Variants in TTC21B observed in about 807,000 individuals in gnomAD.
TTC21B encodes tetratricopeptide repeat domain 21B.
Under a neutral mutation model 175.1 loss-of-function variants are expected in TTC21B, and 127 were observed. That is an observed-to-expected ratio of 0.73 (90% CI 0.63 to 0.84). The LOEUF (loss-of-function observed/expected upper bound fraction) is 0.84. Among genes scored for constraint, TTC21B ranks in the 40% least tolerant of loss-of-function variants. The probability of loss-of-function intolerance (pLI) is 0.00; values close to 1 mark genes in which losing one functional copy is unlikely to be tolerated. For missense variants in TTC21B, 1,561 were observed against 1,558.3 expected (o/e 1.00, Z -0.03); for synonymous variants, 524 against 524.5 (o/e 1.00, Z 0.01).
At chr2:165,937,617 A>C (rs1687199008) in intron 6 of TTC21B, among the ~76,000 whole-genome samples, 1 of 152,212 alleles carries the variant, frequency 6.6e-6, no homozygotes, top group African/African-American at 2.4e-5. Context: ...CTGTCTATTA[A>C]AAAACAGTTT....
intron 19 of TTC21B, among the ~76,000 whole-genome samples, chr2:165,902,734 C>CTATACACATA (rs1399709364): frequency 1.3e-5 from 2 of 152,124 alleles, no homozygotes; most frequent in African/African-American, 4.8e-5. Context: ...TTTTGCATAG[C>CTATACACATA]TATACACATA....
intron 6 of TTC21B, among the ~76,000 whole-genome samples, chr2:165,935,365 G>C (rs529426605): frequency 8.5e-5 from 13 of 152,216 alleles, no homozygotes; most frequent in African/African-American, 3.1e-4. Context: ...AAAGAGGTAT[G>C]TGTGTATGCA....
At chr2:165,919,807 A>T (rs898854050) in intron 12 of TTC21B, among the ~76,000 whole-genome samples, 3 of 152,230 alleles carry the variant, frequency 2.0e-5, no homozygotes, top group African/African-American at 7.2e-5. Context: ...TTGAATAGCT[A>T]GAATTTTGTT....
intron 11 of TTC21B, among the ~76,000 whole-genome samples, chr2:165,927,270 T>TTA (rs1171162629): frequency 0.011 from 506 of 48,158 alleles, 7 homozygotes; most frequent in South Asian, 0.025. Context: ...ATCCTAGTAG[T>TTA]TATATATATA....
At chr2:165,891,501 G>C (rs1217282612) in intron 22 of TTC21B, among the ~76,000 whole-genome samples, 3 of 152,014 alleles carry the variant, frequency 2.0e-5, no homozygotes, top group Admixed American at 6.6e-5. Flanking sequence ...CATACCATAT[G>C]CTAGCTTACC....
At chr2:165,919,534 T>A in intron 12 of TTC21B, 101 bp from the exon 13 acceptor site, 4 of 1,340,638 alleles carry the variant, frequency 3.0e-6, no homozygotes, top group Non-Finnish European at 4.2e-6. Flanking sequence ...ATAGCCCTAG[T>A]GTTTGTAAAC....
Position 165,949,382 on chromosome 2 carries a change from T to C in TTC21B, c.262+12A>G, listed in dbSNP as rs368679198. 2.1e-5 allele frequency: 33 copies of C among 1,583,942 alleles called. No homozygotes were observed. Among genetic ancestry groups the C allele is most frequent in the Non-Finnish European group, 2.9e-5 (33 of 1,152,736 alleles). ...GAAAAAATGTCCTAAGCATTGCATT[T>C]AAATATCATACCTGGATTAGGACTC... On this transcript the variant is annotated intron_variant, in intron 3 of 28. Transcript: ENST00000243344.
At chr2:165,937,259 G>C (rs2105354781) in intron 6 of TTC21B, among the ~76,000 whole-genome samples, 1 of 152,190 alleles carries the variant, frequency 6.6e-6, no homozygotes, top group African/African-American at 2.4e-5. Context: ...GCAGTAAAAA[G>C]AGCAGTGGTT....
chr2:165,942,119 A>G (rs971123351), intron 5 of TTC21B, among the ~76,000 whole-genome samples: 1 of 152,160 alleles, frequency 6.6e-6, no homozygotes, highest in African/African-American at 2.4e-5. Context: ...ATTAGGTAAA[A>G]CTTGAGGGTA....
At chr2:165,902,528 T>G (rs1226297880) in intron 19 of TTC21B, among the ~76,000 whole-genome samples, 1 of 152,138 alleles carries the variant, frequency 6.6e-6, no homozygotes, top group East Asian at 1.9e-4. Flanking sequence ...CTTTTTTTTT[T>G]CTCAAGCCAG....
At position 165,890,410 on chromosome 2, in the gene TTC21B, G is replaced by T. The variant is rs988655322; in HGVS notation, c.3263+69C>A. 2.1e-6 allele frequency: 3 copies of T among 1,462,500 alleles called. No individual in the cohort carries two copies. The Admixed American group carries it at 5.3e-5, about 26-fold the overall frequency. The allele number at this position is 1,462,500 out of a possible 1,614,324, so 90.6% of individuals were successfully genotyped here. On this transcript the variant is annotated intron_variant, in intron 24 of 28. Transcript: ENST00000243344. Reference sequence around the variant, plus strand: ...TTGCTATCCTAAATTTAGTTCTTTTGTATAGTATCCCTGTTTATTATCTCC... The same window carrying T: ...TTGCTATCCTAAATTTAGTTCTTTTTTATAGTATCCCTGTTTATTATCTCC...
Position 165,899,821 on chromosome 2 carries a change from C to A in TTC21B, c.2817G>T (p.Arg939=), listed in dbSNP as rs1189984472. 6.2e-7 allele frequency: 1 copy of A among 1,614,014 alleles called. No individual in the cohort carries two copies. The highest frequency in any genetic ancestry group is 8.5e-7 in the Non-Finnish European group (1 of 1,179,964). The stretch of plus-strand genomic sequence containing the variant: ...CACTCTGAAGCAGTAGAGCACACTG[C>A]CGCAGGCAGGAATCAGGGTCATCTT... ...LAQDDPDSCL[R]QCALLLQSDQ... The change falls in exon 21 of 29, where the codon CGG becomes CGT. Residue 939 remains arginine, a synonymous_variant. Coordinates refer to ENST00000243344, the MANE Select transcript of TTC21B (RefSeq NM_024753.5).
chr2:165,930,318 T>C lies in TTC21B; in HGVS notation c.941A>G (p.Glu314Gly), dbSNP rs765660728. The C allele has an allele frequency of 1.2e-6, 2 of 1,612,810 alleles. No individual in the cohort carries two copies. Among genetic ancestry groups the C allele is most frequent in the Non-Finnish European group, 1.7e-6 (2 of 1,179,196 alleles). Residue 314 changes from glutamate to glycine, a missense_variant, in exon 9 of 29, where the codon GAG (glutamate) becomes GGG (glycine). Physicochemically the swap from Glu to Gly is moderately conservative, Grantham distance 98 (BLOSUM62 -2). Transcript: ENST00000243344. ...CTGAGGGTTTAAACTAAAAGCTCTCTCAAGTAACGTTTGAATTTTTTGAAG... is the reference window on the plus strand; with the variant it reads ...CTGAGGGTTTAAACTAAAAGCTCTCCCAAGTAACGTTTGAATTTTTTGAAG... ...LILQKIQTLL[E>G]RAFSLNPQQS...
At position 165,945,659 on chromosome 2, in the gene TTC21B, T is replaced by C. The variant is rs953884878; in HGVS notation, c.294A>G (p.Arg98=). The C allele has an allele frequency of 6.2e-7, 1 of 1,613,478 alleles. No individual in the cohort carries two copies. The highest frequency in any genetic ancestry group is 1.3e-5 in the African/African-American group (1 of 74,918). The part of the protein sequence containing the change: ...DREAILESDA[R]VKEQRKGAGE... ...CAGCTCCTTTACGTTGTTCCTTCAC[T>C]CTGGCATCTGATTCCAGAATAGCTT... The change falls in exon 4 of 29, where the codon AGA becomes AGG. Residue 98 remains arginine (R), a synonymous_variant. Transcript: ENST00000243344.
intron 25 of TTC21B, among the ~76,000 whole-genome samples, chr2:165,886,458 T>C (rs539788603): frequency 2.0e-5 from 3 of 152,292 alleles, no homozygotes; most frequent in East Asian, 3.9e-4. Flanking sequence ...GGCTGCTTAA[T>C]GAATATTCAT....
intron 22 of TTC21B, among the ~76,000 whole-genome samples, chr2:165,891,574 AATTCATTCATTC>A (rs3032516): frequency 0.14 from 20,700 of 149,324 alleles, 1,775 homozygotes; most frequent in East Asian, 0.32. Flanking sequence ...TTCTAAAAAA[AATTCATTCATTC>A]ATTCATTCAT....
At chr2:165,886,703 T>G (rs753287237) in intron 25 of TTC21B, among the ~76,000 whole-genome samples, 23 of 152,158 alleles carry the variant, frequency 1.5e-4, no homozygotes, top group Non-Finnish European at 2.2e-4. Context: ...ATTCACTGCT[T>G]TTGGCTTTTT....
chr2:165,890,951 TAGG>T lies in TTC21B; in HGVS notation c.2985_2987del (p.Leu996del), dbSNP rs1559042118. ...CATCCTCGAGTTTTCCACATCTTCT[TAGG>T]AGATCAATCAAACGAGATAATGTCA... On this transcript the variant is annotated inframe_deletion, in exon 23 of 29. Transcript: ENST00000243344. The T allele has an allele frequency of 1.2e-6, 2 of 1,613,110 alleles. No individual in the cohort carries two copies. The highest frequency in any genetic ancestry group is 1.7e-6 in the Non-Finnish European group (2 of 1,179,260).
In TTC21B at chr2:165,929,055, T is replaced by C. The variant is rs778360217; in HGVS notation, c.1386+80A>G. ...ATTTTAAGATGCCGATATAGTCTAATGCATCAAAGAAAACTTTTAAGTTCT... is the reference window on the plus strand; with the variant it reads ...ATTTTAAGATGCCGATATAGTCTAACGCATCAAAGAAAACTTTTAAGTTCT... On this transcript the variant is annotated intron_variant, in intron 11 of 28. Transcript: ENST00000243344. 10 of 1,230,252 alleles carry C rather than the reference T, an allele frequency of 8.1e-6. No individual in the cohort carries two copies. The African/African-American group carries it at 1.0e-4, about 13-fold the overall frequency. 76.2% of individuals were successfully genotyped at this position (1,230,252 alleles called of 1,614,324 possible).
Sources: gnomAD v4.1 joint callset for allele counts (sites outside exome capture counted in the v4.1 genomes callset) on GRCh38, gnomAD v4.1.1 for gene constraint, MANE v1.5 for transcripts, NCBI Gene and HGNC (gene_info 2026-07-23, HGNC 2026-07-21) for gene names.